Variants in CPVL observed in about 807,000 individuals in gnomAD.
The protein encoded by CPVL is probable serine carboxypeptidase CPVL.
A neutral mutation model predicts 63.7 loss-of-function variants in CPVL; 51 were observed. The observed-to-expected ratio is 0.80, with a 90% confidence interval of 0.64 to 1.01. CPVL has a LOEUF of 1.01. Among genes scored for constraint, CPVL ranks in the 50% least tolerant of loss-of-function variants. CPVL has a pLI of 0.00. For missense variants in CPVL, 530 were observed against 573.1 expected, an observed-to-expected ratio of 0.92 and a Z score of 0.77; for synonymous variants, 195 against 206.0, an observed-to-expected ratio of 0.95 and a Z score of 0.46.
intron 1 of CPVL, chr7:29,128,252 C>T (rs1790280575): frequency 6.8e-6 from 1 of 147,652 alleles, no homozygotes; most frequent in African/African-American, 2.5e-5. Flanking sequence ...TAGGGATTTC[C>T]TTTCCAAATT....
Position 29,106,951 on chromosome 7 carries a change from C to T in CPVL, c.288+5753G>A, listed in dbSNP as rs142023702. On this transcript the variant is annotated intron_variant, in intron 3 of 12. Transcript: ENST00000265394. Reference sequence around the variant, plus strand: ...CTGGGCAGTTCTGGCACAGGGTCTCCCATAAACTGTGGTCAAGGAATCAGC... The same window carrying T: ...CTGGGCAGTTCTGGCACAGGGTCTCTCATAAACTGTGGTCAAGGAATCAGC... 9.2e-3 allele frequency among the ~76,000 whole-genome samples: 1,394 copies of T among 152,240 alleles called. 8 individuals are homozygous for T. Among genetic ancestry groups the T allele is most frequent in the Admixed American group, 0.017 (255 of 15,298 alleles).
chr7:29,079,951 C>G (rs933004051), intron 7 of CPVL, among the ~76,000 whole-genome samples: 1 of 152,062 alleles, frequency 6.6e-6, no homozygotes, highest in Non-Finnish European at 1.5e-5. Context: ...GGGACAGAAA[C>G]AGAACAATCA....
intron 5 of CPVL, among the ~76,000 whole-genome samples, chr7:29,176,771 C>T (rs1489980714): frequency 2.0e-5 from 3 of 151,910 alleles, no homozygotes; most frequent in East Asian, 1.9e-4. Context: ...GTTTAAAAAA[C>T]GAGATTGAGC....
intron 1 of CPVL, chr7:29,193,471 C>G (rs1783161465): frequency 6.6e-6 from 1 of 152,124 alleles, no homozygotes. Flanking sequence ...TGAACACTTT[C>G]CATTTTTGCT....
upstream of CPVL, chr7:29,146,911 A>G (rs1382623386): frequency 1.4e-5 from 21 of 1,551,106 alleles, no homozygotes; most frequent in Non-Finnish European, 1.7e-5. Flanking sequence ...CCCACTGTTT[A>G]AAAAGGCAAC....
At chr7:29,179,323 C>T (rs1797776111) in intron 5 of CPVL, among the ~76,000 whole-genome samples, 1 of 152,218 alleles carries the variant, frequency 6.6e-6, no homozygotes, top group Non-Finnish European at 1.5e-5. Context: ...GCTCCCTTCA[C>T]TCTTTGCTAG....
intron 7 of CPVL, among the ~76,000 whole-genome samples, chr7:29,077,296 A>C (rs1004813343): frequency 7.2e-6 from 1 of 139,384 alleles, no homozygotes; most frequent in Non-Finnish European, 1.5e-5. Flanking sequence ...TCTGAAGTTT[A>C]GTAGAAAAAA....
At chr7:29,061,714 A>G (rs1475342449) in intron 11 of CPVL, among the ~76,000 whole-genome samples, 2 of 152,116 alleles carry the variant, frequency 1.3e-5, no homozygotes, top group Admixed American at 6.6e-5. Context: ...TGGGAGGCCG[A>G]GGTGGGCGGA....
intron 11 of CPVL, among the ~76,000 whole-genome samples, chr7:29,057,637 C>T (rs1790873625): frequency 6.6e-6 from 1 of 152,072 alleles, no homozygotes; most frequent in Admixed American, 6.6e-5. Flanking sequence ...TTATGTTTTA[C>T]CTTTAGGTCT....
intron 12 of CPVL, among the ~76,000 whole-genome samples, chr7:29,001,686 G>C (rs557069014): frequency 6.6e-6 from 1 of 152,332 alleles, no homozygotes; most frequent in African/African-American, 2.4e-5. Flanking sequence ...CACCTCTGGT[G>C]TAGCAAATGG....
intron 3 of CPVL, among the ~76,000 whole-genome samples, chr7:29,100,622 A>C (rs978205326): frequency 8.5e-5 from 13 of 152,162 alleles, no homozygotes; most frequent in Non-Finnish European, 2.9e-5. Flanking sequence ...CTACAAAGTC[A>C]AGTCAAACAC....
intron 5 of CPVL, among the ~76,000 whole-genome samples, chr7:29,160,124 A>T (rs556171241): frequency 7.9e-4 from 121 of 152,308 alleles, no homozygotes; most frequent in African/African-American, 2.9e-3. Context: ...CCTAAGATCA[A>T]CATGGTTTCC....
intron 12 of CPVL, among the ~76,000 whole-genome samples, chr7:29,024,739 C>A (rs1787325907): frequency 6.6e-6 from 1 of 152,162 alleles, no homozygotes. Flanking sequence ...ACTATACCCA[C>A]AAAGCCATCC....
upstream of CPVL, among the ~76,000 whole-genome samples, chr7:29,150,319 T>G (rs1793414424): frequency 6.6e-6 from 1 of 152,216 alleles, no homozygotes; most frequent in South Asian, 2.1e-4. Flanking sequence ...AGAAATAAGA[T>G]AGTAGTACAT....
chr7:29,054,123 T>C (rs764935365), intron 11 of CPVL, among the ~76,000 whole-genome samples: 5 of 151,994 alleles, frequency 3.3e-5, no homozygotes, highest in Non-Finnish European at 5.9e-5. Flanking sequence ...TAGTATACCC[T>C]TTACATAGCC....
chr7:29,037,863 T>C (rs1788702821), intron 11 of CPVL, among the ~76,000 whole-genome samples: 1 of 152,196 alleles, frequency 6.6e-6, no homozygotes, highest in Non-Finnish European at 1.5e-5. Flanking sequence ...CTGAGTGATC[T>C]TGGATATGTC....
intron 12 of CPVL, among the ~76,000 whole-genome samples, chr7:29,005,152 G>A (rs900904359): frequency 4.0e-5 from 6 of 151,774 alleles, no homozygotes; most frequent in African/African-American, 9.7e-5. Flanking sequence ...CTCCTGCCTC[G>A]GCCTCCCAAA....
At position 29,087,423 on chromosome 7, in the gene CPVL, C is replaced by CAAA. The variant is rs56726137; in HGVS notation, c.543-876_543-874dup. Among the ~76,000 whole-genome samples, 125 of 71,198 alleles carry CAAA rather than the reference C, an allele frequency of 1.8e-3. 1 individual carries two copies. Among genetic ancestry groups the CAAA allele is most frequent in the East Asian group, 2.6e-3 (6 of 2,312 alleles). 46.7% of individuals were successfully genotyped at this position (71,198 alleles called of 152,430 possible). On this transcript the variant is annotated intron_variant, in intron 6 of 12. Transcript: ENST00000265394. ...TGGGCAACAGAGTAAGACTCTGTCTCAAAAAAAAAAAAAAAAAAAAAGAAT... is the reference window on the plus strand; with the variant it reads ...TGGGCAACAGAGTAAGACTCTGTCTCAAAAAAAAAAAAAAAAAAAAAAAAGAAT...
chr7:29,133,606 C>T (rs1181803534), intron 1 of CPVL, among the ~76,000 whole-genome samples: 1 of 152,250 alleles, frequency 6.6e-6, no homozygotes, highest in Non-Finnish European at 1.5e-5. Flanking sequence ...TGAAACTCAA[C>T]ATGTCAAAAT....
Sources: gnomAD v4.1 joint callset for allele counts (sites outside exome capture counted in the v4.1 genomes callset) on GRCh38, gnomAD v4.1.1 for gene constraint, MANE v1.5 for transcripts, NCBI Gene and HGNC (gene_info 2026-07-23, HGNC 2026-07-21) for gene names.